PALM2AKAP2: variants seen among roughly 807,000 people sequenced by gnomAD.
PALM2AKAP2 encodes the protein PALM2-AKAP2 fusion protein.
PALM2AKAP2 carries 37 observed loss-of-function variants against 71.5 expected under a neutral mutation model. The ratio of observed to expected loss-of-function variants is 0.52; its 90% confidence interval spans 0.40 to 0.68. PALM2AKAP2 has a LOEUF of 0.68. PALM2AKAP2 is among the 30% of genes least tolerant of loss of function. The probability of loss-of-function intolerance (pLI) is 0.00; values close to 1 mark genes in which losing one functional copy is unlikely to be tolerated. For missense variants in PALM2AKAP2, 1,224 were observed against 1,191.8 expected, an observed-to-expected ratio of 1.03 and a Z score of -0.40; for synonymous variants, 468 against 478.8, an observed-to-expected ratio of 0.98 and a Z score of 0.29.
At chr9:109,894,794 T>C (rs1170813373) in intron 3 of PALM2AKAP2, among the ~76,000 whole-genome samples, 1 of 152,114 alleles carries the variant, frequency 6.6e-6, no homozygotes, top group Non-Finnish European at 1.5e-5. Flanking sequence ...TATAGTTTTT[T>C]TAAGAGAGAC....
At chr9:109,726,546 A>T (rs1354787872) in intron 1 of PALM2AKAP2, among the ~76,000 whole-genome samples, 2 of 152,086 alleles carry the variant, frequency 1.3e-5, no homozygotes, top group Non-Finnish European at 2.9e-5. Context: ...TCTTTAACAA[A>T]TCTCTTTCCT....
chr9:110,156,324 A>G, exon 3 of PALM2AKAP2: 1 of 1,574,146 alleles, frequency 6.4e-7, no homozygotes, highest in Non-Finnish European at 8.6e-7. Flanking sequence ...TTCAGGGAAA[A>G]TAGAGAAAGT....
Position 109,983,864 on chromosome 9 carries a change from T to TAA in PALM2AKAP2, c.497-32080_497-32079dup, listed in dbSNP as rs75307914. Among the ~76,000 whole-genome samples the TAA allele has an allele frequency of 3.4e-3, 477 of 139,834 alleles. 3 individuals carry two copies. Among genetic ancestry groups the TAA allele is most frequent in the African/African-American group, 0.012 (466 of 37,958 alleles). The allele number at this position is 139,834 out of a possible 152,430, so 91.7% of individuals were successfully genotyped here. ...TGGGCAATAGAGCCAGACCCTGACTTAAAAAAAAAAAGAAAAGAAAAGAAA... is the reference window on the plus strand; with the variant it reads ...TGGGCAATAGAGCCAGACCCTGACTTAAAAAAAAAAAAAGAAAAGAAAAGAAA... On this transcript the variant is annotated intron_variant, in intron 6 of 9. Transcript: ENST00000302798.
rs530842919 is a variant in PALM2AKAP2, at chr9:109,813,593, G to T, written c.45+33060G>T. Among the ~76,000 whole-genome samples the T allele has an allele frequency of 3.9e-4, 59 of 152,194 alleles. 1 individual carries two copies. The highest frequency in any genetic ancestry group is 1.3e-3 in the African/African-American group (56 of 41,526). On this transcript the variant is annotated intron_variant, in intron 1 of 9. Coordinates refer to the PALM2AKAP2 transcript ENST00000302798. ...TAGGGCTTGTTATGGGTCTTGACTT[G>T]GAAGACCCAGAGCATGGGTCTTGAA...
chr9:109,780,692 C>T (rs1009914501), intron 1 of PALM2AKAP2, among the ~76,000 whole-genome samples, 159 bp downstream of exon 1: 13 of 152,150 alleles, frequency 8.5e-5, no homozygotes, highest in Non-Finnish European at 1.5e-5. Context: ...CTTTTCTTTT[C>T]TATGTCTATA....
chr9:109,729,603 G>T (rs1828525695), intron 1 of PALM2AKAP2, among the ~76,000 whole-genome samples: 1 of 152,188 alleles, frequency 6.6e-6, no homozygotes, highest in Non-Finnish European at 1.5e-5. Context: ...CAGCCCCTTG[G>T]TAGAGGAGGC....
chr9:109,677,232 T>G (rs1207276937), intron 1 of PALM2AKAP2, among the ~76,000 whole-genome samples: 1 of 152,090 alleles, frequency 6.6e-6, no homozygotes, highest in Non-Finnish European at 1.5e-5. Flanking sequence ...ACAGGTACAT[T>G]TATTGACAAA....
At chr9:110,040,841 T>G (rs1329216484) in intron 7 of PALM2AKAP2, among the ~76,000 whole-genome samples, 1 of 152,196 alleles carries the variant, frequency 6.6e-6, no homozygotes, top group African/African-American at 2.4e-5. Context: ...ATTGGCACTG[T>G]TTTCCAGCAT....
intron 7 of PALM2AKAP2, among the ~76,000 whole-genome samples, chr9:110,037,398 G>T (rs907043741): frequency 2.6e-4 from 39 of 152,270 alleles, no homozygotes; most frequent in Admixed American, 2.6e-3. Context: ...TAGGGACGGG[G>T]TTACTCCACG....
Position 110,143,096 on chromosome 9 carries a change from G to A in PALM2AKAP2, c.2569+4557G>A, listed in dbSNP as rs928417130. ...TGCTCCCAATAGTGTGTGCATGTGT[G>A]CCCTCTGCTGATGGCACTTAGAATT... is the stretch of plus-strand genomic sequence containing the variant. On this transcript the variant is annotated intron_variant, in intron 2 of 3. Transcript: ENST00000374525. Among the ~76,000 whole-genome samples the A allele has an allele frequency of 2.0e-5, 3 of 148,926 alleles. No homozygotes were observed. The East Asian group carries it at 6.0e-4, about 30-fold the overall frequency.
intron 1 of PALM2AKAP2, among the ~76,000 whole-genome samples, chr9:110,107,755 C>T (rs1588113104): frequency 1.3e-5 from 2 of 152,076 alleles, no homozygotes; most frequent in South Asian, 2.1e-4. Flanking sequence ...TTAGTAGAGA[C>T]GAGGTTTCAC....
chr9:109,839,890 C>G (rs1335406235), intron 1 of PALM2AKAP2, among the ~76,000 whole-genome samples: 2 of 152,200 alleles, frequency 1.3e-5, no homozygotes. Context: ...GAAGAATATT[C>G]CATGCTCATG....
At chr9:109,672,579 A>G (rs775812662) in intron 1 of PALM2AKAP2, among the ~76,000 whole-genome samples, 5 of 151,746 alleles carry the variant, frequency 3.3e-5, no homozygotes, top group Non-Finnish European at 4.4e-5. Flanking sequence ...TTGTTGTTGT[A>G]TCTCTGTCAA....
chr9:109,838,274 A>C (rs1311221061), intron 1 of PALM2AKAP2, among the ~76,000 whole-genome samples: 1 of 152,260 alleles, frequency 6.6e-6, no homozygotes, highest in Admixed American at 6.5e-5. Flanking sequence ...CTCCTGAATG[A>C]CTACTGGGTA....
At chr9:109,767,361 C>T (rs903593550) in intron 1 of PALM2AKAP2, among the ~76,000 whole-genome samples, 1 of 152,186 alleles carries the variant, frequency 6.6e-6, no homozygotes, top group African/African-American at 2.4e-5. Flanking sequence ...TCCCTTTTGC[C>T]ATTGGAGATG....
At chr9:110,120,364 G>T (rs1178485481) in intron 1 of PALM2AKAP2, among the ~76,000 whole-genome samples, 1 of 152,170 alleles carries the variant, frequency 6.6e-6, no homozygotes, top group Non-Finnish European at 1.5e-5. Flanking sequence ...TAGAAATGGG[G>T]TGCATGTCAG....
intron 7 of PALM2AKAP2, among the ~76,000 whole-genome samples, chr9:110,019,197 G>A (rs563250100): frequency 3.6e-4 from 50 of 137,406 alleles, no homozygotes; most frequent in African/African-American, 1.1e-3. Flanking sequence ...CCGAGTCTGC[G>A]CCACTGCACT....
intron 2 of PALM2AKAP2, among the ~76,000 whole-genome samples, chr9:110,144,009 TC>T (rs1836100485): frequency 6.6e-6 from 1 of 152,248 alleles, no homozygotes; most frequent in African/African-American, 2.4e-5. Flanking sequence ...GGGTCTCTGT[TC>T]TTTCCCCTTC....
intron 7 of PALM2AKAP2, among the ~76,000 whole-genome samples, chr9:110,019,234 G>C (rs1198357191): frequency 8.8e-6 from 1 of 113,846 alleles, no homozygotes; most frequent in Non-Finnish European, 1.7e-5. Context: ...GCAAGACTCT[G>C]TCTCAAAAAA....
Sources: allele counts gnomAD v4.1 joint callset (sites outside exome capture counted in the v4.1 genomes callset), GRCh38; gene constraint gnomAD v4.1.1; transcripts MANE v1.5; gene names NCBI Gene and HGNC (gene_info 2026-07-23, HGNC 2026-07-21).